PTPRM: variants seen among roughly 807,000 people sequenced by gnomAD.
PTPRM encodes the protein protein tyrosine phosphatase receptor type M.
In PTPRM, 47 loss-of-function variants were observed where a neutral mutation model predicts 186.7. That is an observed-to-expected ratio of 0.25 (90% CI 0.20 to 0.32). The LOEUF (loss-of-function observed/expected upper bound fraction) is 0.32. Ranked by LOEUF, PTPRM falls within the 10% of genes least tolerant of loss-of-function variation. The pLI, the probability that PTPRM is intolerant of heterozygous loss-of-function variation, is 1.00. For synonymous variants in PTPRM, 668 were observed against 674.9 expected (o/e 0.99, Z 0.16); for missense variants, 1,494 against 1,865.0 (o/e 0.80, Z 3.66).
chr18:7,985,653 AATAT>A (rs749376457), intron 7 of PTPRM, among the ~76,000 whole-genome samples: 3 of 149,372 alleles, frequency 2.0e-5, no homozygotes, highest in Admixed American at 1.4e-4. Flanking sequence ...ATATGGGGTA[AATAT>A]ATATATATGT....
intron 7 of PTPRM, among the ~76,000 whole-genome samples, chr18:8,050,772 C>G (rs551284883): frequency 4.6e-5 from 7 of 152,244 alleles, no homozygotes; most frequent in African/African-American, 1.4e-4. Context: ...GGGGCGGGCT[C>G]TCTTTTCTAA....
chr18:8,295,861 GA>G (rs1386534038), intron 19 of PTPRM, among the ~76,000 whole-genome samples: 1 of 152,122 alleles, frequency 6.6e-6, no homozygotes. Context: ...AAAATGAAGA[GA>G]AAACTTTGGC....
intron 1 of PTPRM, among the ~76,000 whole-genome samples, chr18:7,616,447 C>CTCCACTGCAG (rs2037807344): frequency 6.6e-6 from 1 of 152,158 alleles, no homozygotes; most frequent in Non-Finnish European, 1.5e-5. Flanking sequence ...GTGTTTCAGA[C>CTCCACTGCAG]ATGCCACAAT....
chr18:8,097,200 A>C (rs186566150), intron 11 of PTPRM, among the ~76,000 whole-genome samples: 1 of 152,328 alleles, frequency 6.6e-6, no homozygotes, highest in Admixed American at 6.5e-5. Flanking sequence ...TAAGTATATT[A>C]TATTATGCTT....
In PTPRM at chr18:8,085,455, A is replaced by G. The variant is rs532086197; in HGVS notation, c.1552-216A>G. Among the ~76,000 whole-genome samples, 5 of 152,280 alleles carry G rather than the reference A, an allele frequency of 3.3e-5. No homozygotes were observed. The South Asian group carries it at 1.0e-3, about 32-fold the overall frequency. ...CCCCGAACTCATCCTGTATATTCTA[A>G]TCTACTGGCTTAAGTTCCCCTGTCT... is the stretch of plus-strand genomic sequence containing the variant. On this transcript the variant is annotated intron_variant, in intron 9 of 32. Transcript: ENST00000580170.
At chr18:7,864,365 A>T (rs1048092663) in intron 2 of PTPRM, among the ~76,000 whole-genome samples, 1 of 152,118 alleles carries the variant, frequency 6.6e-6, no homozygotes, top group African/African-American at 2.4e-5. Context: ...TTTTGAGTTA[A>T]TTTTTGTGTA....
chr18:8,366,405 TC>T (rs1455877666), intron 23 of PTPRM, among the ~76,000 whole-genome samples: 4 of 152,192 alleles, frequency 2.6e-5, no homozygotes, highest in African/African-American at 7.2e-5. Context: ...TTATTCAGAA[TC>T]CCTCCAAGGG....
intron 14 of PTPRM, among the ~76,000 whole-genome samples, chr18:8,166,953 G>C (rs761145783): frequency 2.0e-5 from 3 of 152,146 alleles, no homozygotes; most frequent in African/African-American, 7.2e-5. Flanking sequence ...AAAATTCTGT[G>C]ACTTGAATTA....
intron 2 of PTPRM, among the ~76,000 whole-genome samples, chr18:7,811,640 C>G (rs1158938262): frequency 6.6e-6 from 1 of 152,158 alleles, no homozygotes; most frequent in Non-Finnish European, 1.5e-5. Flanking sequence ...GTTGGGTTTA[C>G]AGGCGTGAGC....
intron 1 of PTPRM, among the ~76,000 whole-genome samples, chr18:7,639,344 A>G (rs1046315458): frequency 6.7e-6 from 1 of 150,124 alleles, no homozygotes; most frequent in Non-Finnish European, 1.5e-5. Context: ...TGCTGGGATT[A>G]CAGGCGTGAG....
chr18:8,101,772 C>T (rs959926539), intron 11 of PTPRM, among the ~76,000 whole-genome samples: 5 of 152,192 alleles, frequency 3.3e-5, no homozygotes, highest in African/African-American at 1.2e-4. Context: ...CTGTCAGGAC[C>T]TTGCCTCCTC....
intron 14 of PTPRM, among the ~76,000 whole-genome samples, chr18:8,224,193 G>A (rs1415777450): frequency 6.6e-6 from 1 of 151,982 alleles, no homozygotes; most frequent in Non-Finnish European, 1.5e-5. Context: ...TACATTGCAG[G>A]AAATGTCTTT....
chr18:7,752,990 G>T (rs943895521), intron 1 of PTPRM, among the ~76,000 whole-genome samples: 1 of 152,020 alleles, frequency 6.6e-6, no homozygotes, highest in Non-Finnish European at 1.5e-5. Flanking sequence ...TTAATGATTT[G>T]GGGGGAGGGG....
Position 8,132,807 on chromosome 18 carries a change from G to A in PTPRM, c.2168-10840G>A, listed in dbSNP as rs115191591. Among the ~76,000 whole-genome samples the A allele has an allele frequency of 3.5e-3, 537 of 152,202 alleles. 3 individuals are homozygous for A. Among genetic ancestry groups the A allele is most frequent in the African/African-American group, 0.012 (512 of 41,558 alleles). The stretch of plus-strand genomic sequence containing the variant: ...CAGCGTTGAGTGCTGAAGATATAAC[G>A]TTTTGCCACTAGTATTTATTTCCAT... On this transcript the variant is annotated intron_variant, in intron 13 of 32. Transcript: ENST00000580170.
rs555270726 is a variant in PTPRM at position 8,137,266 on chromosome 18, C to G, written c.2168-6381C>G. Among the ~76,000 whole-genome samples the G allele has an allele frequency of 2.4e-4, 36 of 152,232 alleles. No homozygotes were observed. The East Asian group carries it at 5.6e-3, about 24-fold the overall frequency. On this transcript the variant is annotated intron_variant, in intron 13 of 32. Coordinates refer to ENST00000580170, the MANE Select transcript of PTPRM (RefSeq NM_001105244.2). Reference sequence around the variant, plus strand: ...GGCTTTGTGGTATTTGGTTTGCCACCGAAACCTTTTGCATGTGGTGTGAAT... The same window carrying G: ...GGCTTTGTGGTATTTGGTTTGCCACGGAAACCTTTTGCATGTGGTGTGAAT...
intron 2 of PTPRM, among the ~76,000 whole-genome samples, chr18:7,794,243 A>G (rs2043487546): frequency 6.6e-6 from 1 of 152,198 alleles, no homozygotes; most frequent in Admixed American, 6.5e-5. Context: ...ACTTAACACA[A>G]GCCGCCTATG....
At chr18:8,388,334 G>A (rs747956020) in intron 31 of PTPRM, among the ~76,000 whole-genome samples, 4 of 152,152 alleles carry the variant, frequency 2.6e-5, no homozygotes, top group Admixed American at 1.3e-4. Flanking sequence ...GTTTCACTCC[G>A]GGTAGATCAA....
rs537732082 is a variant in PTPRM, at chr18:7,745,570, G to T, written c.74-28579G>T. Among the ~76,000 whole-genome samples the T allele has an allele frequency of 4.6e-5, 7 of 152,336 alleles. No homozygotes were observed. In the South Asian group the frequency reaches 1.4e-3, roughly 32 times the overall value. Reference sequence around the variant, plus strand: ...TCTTAGGTGTTAGGGTGAATAGGAAGTAGACCAGCTTGACTCATCACAATT... The same window carrying T: ...TCTTAGGTGTTAGGGTGAATAGGAATTAGACCAGCTTGACTCATCACAATT... On this transcript the variant is annotated intron_variant, in intron 1 of 32. Transcript: ENST00000580170.
intron 14 of PTPRM, among the ~76,000 whole-genome samples, chr18:8,200,746 A>T (rs1381095945): frequency 6.6e-6 from 1 of 152,268 alleles, no homozygotes; most frequent in Non-Finnish European, 1.5e-5. Context: ...AAATTGCCAT[A>T]TACCTTTTAC....
Sources: allele counts gnomAD v4.1 joint callset (sites outside exome capture counted in the v4.1 genomes callset), GRCh38; gene constraint gnomAD v4.1.1; transcripts MANE v1.5; gene names NCBI Gene and HGNC (gene_info 2026-07-23, HGNC 2026-07-21).